RPGRIP1: variants seen among roughly 807,000 people sequenced by gnomAD.
RPGRIP1 encodes the protein RPGR interacting protein 1.
RPGRIP1 carries 128 observed loss-of-function variants against 157.9 expected under a neutral mutation model. That is an observed-to-expected ratio of 0.81 (90% CI 0.70 to 0.94). RPGRIP1 has a LOEUF of 0.94. Ranked by LOEUF, RPGRIP1 falls within the 40% of genes least tolerant of loss-of-function variation. The pLI is 0.00. For synonymous variants in RPGRIP1, 554 were observed against 571.6 expected, an observed-to-expected ratio of 0.97 and a Z score of 0.44; for missense variants, 1,486 against 1,545.8, an observed-to-expected ratio of 0.96 and a Z score of 0.65.
chr14:21,347,232 T>C (rs542163117), intron 23 of RPGRIP1, among the ~76,000 whole-genome samples: 1 of 152,374 alleles, frequency 6.6e-6, no homozygotes, highest in South Asian at 2.1e-4. Flanking sequence ...TTGTTTTTAT[T>C]CCAGACTCTT....
intron 9 of RPGRIP1, 66 bp from the exon 10 acceptor site, chr14:21,312,367 C>CA: frequency 8.8e-7 from 1 of 1,137,156 alleles, no homozygotes; most frequent in South Asian, 1.5e-5. Context: ...CTGCCATGGA[C>CA]AGGGGAAATC....
chr14:21,313,260 G>A (rs529409001), intron 10 of RPGRIP1, among the ~76,000 whole-genome samples: 1 of 151,732 alleles, frequency 6.6e-6, no homozygotes, highest in Non-Finnish European at 1.5e-5. Flanking sequence ...CTAACACTTA[G>A]GGAGGCAGAG....
chr14:21,314,688 G>C (rs1207228704), intron 10 of RPGRIP1, among the ~76,000 whole-genome samples: 1 of 150,458 alleles, frequency 6.6e-6, no homozygotes, highest in East Asian at 2.0e-4. Flanking sequence ...ACTCCAGCCT[G>C]GGCAACAAGA....
intron 12 of RPGRIP1, among the ~76,000 whole-genome samples, chr14:21,320,613 T>TTG (rs1478046863): frequency 2.1e-5 from 3 of 145,608 alleles, no homozygotes; most frequent in Non-Finnish European, 4.5e-5. Flanking sequence ...TTTTTTTTTT[T>TTG]TTTGAGATGG....
chr14:21,300,732 T>C (rs866966598), intron 3 of RPGRIP1, among the ~76,000 whole-genome samples: 1 of 144,566 alleles, frequency 6.9e-6, no homozygotes, highest in Non-Finnish European at 1.5e-5. Context: ...TTTTTTTTTT[T>C]ACTAAGATAA....
At chr14:21,288,737 C>A (rs1178716321) in intron 2 of RPGRIP1, among the ~76,000 whole-genome samples, 1 of 151,322 alleles carries the variant, frequency 6.6e-6, no homozygotes, top group African/African-American at 2.4e-5. Flanking sequence ...TGATCTCGAA[C>A]TCCTGACCTC....
At position 21,308,529 on chromosome 14, in the gene RPGRIP1, AAG is replaced by A. The variant is rs575732888; in HGVS notation, c.906+700_906+701del. ...TATGCAGGGTATGGGCAGGACACAAAAGAGAGAGTAGTCAGACCCACCAGTGG... is the reference window on the plus strand; with the variant it reads ...TATGCAGGGTATGGGCAGGACACAAAAGAGAGTAGTCAGACCCACCAGTGG... On this transcript the variant is annotated intron_variant, in intron 7 of 24. Coordinates refer to ENST00000400017, the MANE Select transcript of RPGRIP1 (RefSeq NM_020366.4). 3.5e-3 allele frequency among the ~76,000 whole-genome samples: 538 copies of A among 152,274 alleles called. 2 individuals are homozygous for A. The highest frequency in any genetic ancestry group is 0.012 in the African/African-American group (509 of 41,576).
intron 10 of RPGRIP1, among the ~76,000 whole-genome samples, chr14:21,316,891 A>G (rs1031261644): frequency 4.6e-5 from 7 of 152,086 alleles, no homozygotes; most frequent in African/African-American, 1.7e-4. Context: ...AGGCCGAGGC[A>G]GGTGGATCAC....
In RPGRIP1 at chr14:21,332,228, C is replaced by G. The variant is rs1883869083; in HGVS notation, c.3238+1841C>G. Among the ~76,000 whole-genome samples the G allele has an allele frequency of 2.0e-5, 3 of 152,072 alleles. No individual in the cohort carries two copies. In the South Asian group the frequency reaches 6.2e-4, roughly 32 times the overall value. On this transcript the variant is annotated intron_variant, in intron 20 of 24. Transcript: ENST00000400017. ...TGCTGGGATTACAGGTGTGAGCCAC[C>G]ACGCTTGGCCTAAAAGTATAATTTT...
At chr14:21,306,095 G>C (rs1402807886) in intron 6 of RPGRIP1, among the ~76,000 whole-genome samples, 3 of 140,492 alleles carry the variant, frequency 2.1e-5, no homozygotes, top group African/African-American at 5.4e-5. Flanking sequence ...TGAGCTCCTA[G>C]GTTCAGGAAT....
chr14:21,306,207 C>A (rs1203039349), intron 6 of RPGRIP1, among the ~76,000 whole-genome samples: 2 of 126,592 alleles, frequency 1.6e-5, no homozygotes, highest in Admixed American at 1.9e-4. Flanking sequence ...TGTCAGCTCA[C>A]TGCAATCTCC....
At chr14:21,324,317 A>C (rs1396229411) in intron 14 of RPGRIP1, 1 of 449,642 alleles carries the variant, frequency 2.2e-6, no homozygotes, top group Non-Finnish European at 4.1e-6. Flanking sequence ...CACGATGTAC[A>C]CCAAAACAAT....
chr14:21,312,360 C>T (rs1881574751), intron 9 of RPGRIP1, 73 bp from the exon 10 acceptor site: 1 of 1,036,566 alleles, frequency 9.6e-7, no homozygotes, highest in Non-Finnish European at 1.4e-6. Context: ...CCCCTCCCTG[C>T]CATGGACAGG....
At chr14:21,316,906 G>C (rs1881842460) in intron 10 of RPGRIP1, among the ~76,000 whole-genome samples, 1 of 151,970 alleles carries the variant, frequency 6.6e-6, no homozygotes, top group Non-Finnish European at 1.5e-5. Context: ...GATCACCTGA[G>C]GTCAGGAGTT....
chr14:21,297,276 G>C (rs1880826390), intron 3 of RPGRIP1, among the ~76,000 whole-genome samples: 1 of 151,974 alleles, frequency 6.6e-6, no homozygotes, highest in Admixed American at 6.6e-5. Flanking sequence ...TGTATTTTTA[G>C]TAGAGACAGG....
intron 2 of RPGRIP1, 132 bp downstream of exon 2, chr14:21,288,193 T>C: frequency 7.6e-6 from 5 of 655,912 alleles, no homozygotes; most frequent in Non-Finnish European, 1.3e-5. Context: ...TTTTTTTTTT[T>C]TTTTTGAGAT....
At chr14:21,287,086 G>T (rs1880326208) in intron 1 of RPGRIP1, among the ~76,000 whole-genome samples, 1 of 151,106 alleles carries the variant, frequency 6.6e-6, no homozygotes. Flanking sequence ...AGAAAAAGAA[G>T]AAAAGAAAGA....
At chr14:21,350,076 A>C (rs1886041696) in intron 24 of RPGRIP1, among the ~76,000 whole-genome samples, 1 of 152,170 alleles carries the variant, frequency 6.6e-6, no homozygotes, top group African/African-American at 2.4e-5. Context: ...AACTGTGGGA[A>C]AGAAAACAGG....
At chr14:21,326,307 T>A in intron 17 of RPGRIP1, 134 bp downstream of exon 17, 1 of 624,148 alleles carries the variant, frequency 1.6e-6, no homozygotes, top group Non-Finnish European at 2.7e-6. Context: ...TAGAATATTG[T>A]CAAGAGCAAC....
Sources: gnomAD v4.1 joint callset for allele counts (sites outside exome capture counted in the v4.1 genomes callset) on GRCh38, gnomAD v4.1.1 for gene constraint, MANE v1.5 for transcripts, NCBI Gene and HGNC (gene_info 2026-07-23, HGNC 2026-07-21) for gene names.